The following CDH20 variants were observed in gnomAD, a reference collection of about 807,000 sequenced individuals.
CDH20 encodes the protein cadherin 20, also known as cadherin-20.
CDH20 carries 29 observed loss-of-function variants against 74.2 expected under a neutral mutation model. The ratio of observed to expected loss-of-function variants is 0.39; its 90% CI spans 0.29 to 0.53. The LOEUF (loss-of-function observed/expected upper bound fraction) is 0.53, where lower values mean the gene tolerates loss of function less well. CDH20 is among the 20% of genes least tolerant of loss of function. CDH20 has a pLI of 0.69. For missense variants in CDH20, 988 were observed against 1,048.3 expected, an observed-to-expected ratio of 0.94 and a Z score of 0.79; for synonymous variants, 469 against 405.4, an observed-to-expected ratio of 1.16 and a Z score of -1.88.
chr18:61,361,529 T>A lies in CDH20; in HGVS notation c.-153+27702T>A, dbSNP rs62098068. ...TTACAACTGTTGAGCTAAGAACAGA[T>A]GAATATTTTTTAAAAATGCATCTCT... On this transcript the variant is annotated intron_variant, in intron 1 of 11. Transcript: ENST00000262717. Among the ~76,000 whole-genome samples, 5 of 152,248 alleles carry A rather than the reference T, an allele frequency of 3.3e-5. No homozygotes were observed. In the East Asian group the frequency reaches 9.6e-4, roughly 29 times the overall value.
At chr18:61,470,290 A>C (rs1910119352) in intron 1 of CDH20, among the ~76,000 whole-genome samples, 1 of 152,228 alleles carries the variant, frequency 6.6e-6, no homozygotes, top group Non-Finnish European at 1.5e-5. Context: ...AAGACTGGGC[A>C]CTGGCTGTAT....
At chr18:61,400,678 A>G (rs1269415405) in intron 1 of CDH20, among the ~76,000 whole-genome samples, 2 of 152,188 alleles carry the variant, frequency 1.3e-5, no homozygotes, top group African/African-American at 4.8e-5. Context: ...GCATCACCCT[A>G]ATACCTGCAC....
Position 61,488,662 on chromosome 18 carries a change from C to T in CDH20, c.-152-1740C>T, listed in dbSNP as rs79670423. ...TAGATACATTGTGTCTTACAATATA[C>T]AGAATATTGCTTTTATGGTTTACTA... On this transcript the variant is annotated intron_variant, in intron 1 of 11. Transcript: ENST00000262717. Among the ~76,000 whole-genome samples, 6 of 152,308 alleles carry T rather than the reference C, an allele frequency of 3.9e-5. No homozygotes were observed. In the East Asian group the frequency reaches 1.2e-3, roughly 29 times the overall value.
At chr18:61,494,699 G>C (rs1568163245) in intron 2 of CDH20, among the ~76,000 whole-genome samples, 1 of 152,078 alleles carries the variant, frequency 6.6e-6, no homozygotes, top group Non-Finnish European at 1.5e-5. Flanking sequence ...TAATTGGTAT[G>C]GCCTTACAAA....
chr18:61,396,040 A>AGAGTGTGTGT (rs779356011), intron 1 of CDH20, among the ~76,000 whole-genome samples: 1 of 83,522 alleles, frequency 1.2e-5, no homozygotes, highest in Admixed American at 1.1e-4. Flanking sequence ...GCACTCACAG[A>AGAGTGTGTGT]GTGTGTGTGT....
chr18:61,467,715 C>T (rs773306730), intron 1 of CDH20, among the ~76,000 whole-genome samples: 7 of 152,168 alleles, frequency 4.6e-5, no homozygotes, highest in Non-Finnish European at 1.0e-4. Context: ...CTTCCTGTGG[C>T]ACACAAGAGG....
chr18:61,442,280 G>T (rs935307503), intron 1 of CDH20, among the ~76,000 whole-genome samples: 12 of 151,152 alleles, frequency 7.9e-5, no homozygotes, highest in Non-Finnish European at 7.4e-5. Flanking sequence ...GAACCTAGGA[G>T]CTCAAGGCTG....
chr18:61,477,221 G>T (rs1910420100), intron 1 of CDH20, among the ~76,000 whole-genome samples: 1 of 152,166 alleles, frequency 6.6e-6, no homozygotes, highest in African/African-American at 2.4e-5. Flanking sequence ...TGGTCTGTTG[G>T]AGAGATCCAA....
intron 1 of CDH20, among the ~76,000 whole-genome samples, chr18:61,437,728 A>G (rs1185925405): frequency 2.0e-5 from 3 of 152,138 alleles, no homozygotes. Flanking sequence ...TTCTCTGGAC[A>G]TCAGTTCGTG....
chr18:61,530,411 G>A (rs1912598267), intron 7 of CDH20, among the ~76,000 whole-genome samples: 2 of 152,066 alleles, frequency 1.3e-5, no homozygotes, highest in South Asian at 4.1e-4. Flanking sequence ...AAAATAATGT[G>A]TATAGTTATA....
intron 1 of CDH20, among the ~76,000 whole-genome samples, chr18:61,337,562 AAAC>A (rs1402830548): frequency 6.6e-6 from 1 of 152,238 alleles, no homozygotes; most frequent in African/African-American, 2.4e-5. Flanking sequence ...TTAATTGAAG[AAAC>A]AACCTCCTCT....
chr18:61,341,236 T>G (rs1242809902), intron 1 of CDH20, among the ~76,000 whole-genome samples: 2 of 152,184 alleles, frequency 1.3e-5, no homozygotes, highest in Admixed American at 6.5e-5. Context: ...AAGTCCAAGA[T>G]CAAGGTGCCA....
At chr18:61,466,586 C>T (rs1361985571) in intron 1 of CDH20, among the ~76,000 whole-genome samples, 3 of 152,128 alleles carry the variant, frequency 2.0e-5, no homozygotes, top group Admixed American at 1.3e-4. Flanking sequence ...GGATTAAGTC[C>T]ATGGAAATCT....
chr18:61,395,730 C>A (rs1214641446), intron 1 of CDH20, among the ~76,000 whole-genome samples: 4 of 152,196 alleles, frequency 2.6e-5, no homozygotes, highest in African/African-American at 9.7e-5. Flanking sequence ...CAAATACTCT[C>A]AATATAAAAA....
At chr18:61,434,781 T>C (rs1485307080) in intron 1 of CDH20, among the ~76,000 whole-genome samples, 6 of 152,170 alleles carry the variant, frequency 3.9e-5, no homozygotes, top group Non-Finnish European at 8.8e-5. Context: ...TGATTAGTAT[T>C]AATATAACAC....
intron 7 of CDH20, among the ~76,000 whole-genome samples, chr18:61,529,996 C>G (rs538140198): frequency 6.6e-6 from 1 of 152,168 alleles, no homozygotes; most frequent in African/African-American, 2.4e-5. Context: ...GTCCACTGGG[C>G]TGTTCTGGGG....
chr18:61,450,405 A>C (rs1041338036), intron 1 of CDH20, among the ~76,000 whole-genome samples: 1 of 139,932 alleles, frequency 7.1e-6, no homozygotes, highest in East Asian at 2.1e-4. Context: ...AAAAAAAAAA[A>C]CTTTTTACTT....
intron 1 of CDH20, among the ~76,000 whole-genome samples, chr18:61,372,491 T>G (rs1393967591): frequency 6.6e-6 from 1 of 152,106 alleles, no homozygotes; most frequent in African/African-American, 2.4e-5. Context: ...AAATTCTCCC[T>G]AGGGAGCAAT....
intron 1 of CDH20, among the ~76,000 whole-genome samples, chr18:61,390,210 G>C (rs191726148): frequency 1.3e-3 from 197 of 152,214 alleles, no homozygotes; most frequent in African/African-American, 4.4e-3. Context: ...CATATGCTTA[G>C]CTCAGTAAAT....
Sources: gnomAD v4.1 joint callset for allele counts (sites outside exome capture counted in the v4.1 genomes callset) on GRCh38, gnomAD v4.1.1 for gene constraint, MANE v1.5 for transcripts, NCBI Gene and HGNC (gene_info 2026-07-23, HGNC 2026-07-21) for gene names.